XYLT1: variants seen among roughly 807,000 people sequenced by gnomAD.
XYLT1 encodes the protein xylosyltransferase 1.
Under a neutral mutation model 91.3 loss-of-function variants are expected in XYLT1, and 36 were observed. The observed-to-expected ratio is 0.39, with a 90% CI of 0.30 to 0.52. The LOEUF (loss-of-function observed/expected upper bound fraction) is 0.52. XYLT1 is among the 20% of genes least tolerant of loss of function. XYLT1 has a pLI of 0.68. For missense variants in XYLT1, 1,242 were observed against 1,284.5 expected, an observed-to-expected ratio of 0.97 and a Z score of 0.51; for synonymous variants, 588 against 532.0, an observed-to-expected ratio of 1.11 and a Z score of -1.45.
rs566826951 is a variant in XYLT1 at position 17,406,986 on chromosome 16, CTTCT to C, written c.364-48940_364-48937del. On this transcript the variant is annotated intron_variant, in intron 1 of 11. Transcript: ENST00000261381. ...CCTTTTAATTTGAAACCTTTTGCTG[CTTCT>C]TTATTTTTATTTTTTAATTTAATTT... 8.4e-4 allele frequency among the ~76,000 whole-genome samples: 127 copies of C among 152,078 alleles called. 2 individuals carry two copies. The South Asian group carries it at 0.017, about 21-fold the overall frequency.
At chr16:17,113,954 C>T (rs1472682584) in intron 11 of XYLT1, among the ~76,000 whole-genome samples, 1 of 151,314 alleles carries the variant, frequency 6.6e-6, no homozygotes, top group Non-Finnish European at 1.5e-5. Flanking sequence ...GAGGGTGGTG[C>T]ACCCCAATGC....
intron 1 of XYLT1, among the ~76,000 whole-genome samples, chr16:17,365,133 CA>C (rs1379168873): frequency 6.6e-6 from 1 of 152,180 alleles, no homozygotes; most frequent in East Asian, 1.9e-4. Context: ...AGGACGGGTG[CA>C]AAGTGTTCCC....
At chr16:17,432,237 T>C (rs995797068) in intron 1 of XYLT1, among the ~76,000 whole-genome samples, 2 of 152,098 alleles carry the variant, frequency 1.3e-5, no homozygotes, top group Non-Finnish European at 2.9e-5. Context: ...CCAAGAGAAA[T>C]GAAAACATAT....
At chr16:17,301,314 G>A (rs886337301) in intron 2 of XYLT1, among the ~76,000 whole-genome samples, 1 of 152,064 alleles carries the variant, frequency 6.6e-6, no homozygotes. Flanking sequence ...GGAAGCTGAG[G>A]CACGAAAATC....
intron 2 of XYLT1, among the ~76,000 whole-genome samples, chr16:17,281,473 T>C (rs1449252371): frequency 1.3e-5 from 2 of 152,178 alleles, no homozygotes; most frequent in Non-Finnish European, 2.9e-5. Flanking sequence ...TAATTTTACT[T>C]GGCTCACATT....
At chr16:17,137,959 G>C (rs181108079) in intron 8 of XYLT1, among the ~76,000 whole-genome samples, 52 of 152,148 alleles carry the variant, frequency 3.4e-4, no homozygotes, top group South Asian at 3.3e-3. Flanking sequence ...CTCAGCCCTA[G>C]ATATATACTT....
At chr16:17,250,374 T>C (rs2033517998) in intron 3 of XYLT1, 1 of 152,254 alleles carries the variant, frequency 6.6e-6, no homozygotes, top group South Asian at 2.1e-4. Context: ...GTGAAAATTA[T>C]GTGAAACTCA....
At chr16:17,161,761 T>C (rs546369073) in intron 5 of XYLT1, among the ~76,000 whole-genome samples, 41 of 152,054 alleles carry the variant, frequency 2.7e-4, no homozygotes, top group African/African-American at 9.9e-4. Flanking sequence ...ATGGTTCCCA[T>C]AGTTCATCTC....
At chr16:17,453,631 CA>C (rs2036697080) in intron 1 of XYLT1, among the ~76,000 whole-genome samples, 1 of 152,318 alleles carries the variant, frequency 6.6e-6, no homozygotes, top group South Asian at 2.1e-4. Flanking sequence ...ATGCAGTCCC[CA>C]AAGGGATATT....
intron 11 of XYLT1, among the ~76,000 whole-genome samples, chr16:17,116,420 A>T (rs1966852366): frequency 6.6e-6 from 1 of 152,224 alleles, no homozygotes; most frequent in Non-Finnish European, 1.5e-5. Context: ...AACTTGACAT[A>T]AATACATCAT....
rs556471847 is a variant in XYLT1 at position 17,417,228 on chromosome 16, T to G, written c.363+53206A>C. On this transcript the variant is annotated intron_variant, in intron 1 of 11. Transcript: ENST00000261381. ...AGGCTCTACTGACTCTCTTAATTTA[T>G]CCTCACAACAGCCTCGTATAGTAAA... Among the ~76,000 whole-genome samples, 13 of 152,342 alleles carry G rather than the reference T, an allele frequency of 8.5e-5. No homozygotes were observed. The South Asian group carries it at 2.5e-3, about 29-fold the overall frequency.
chr16:17,275,540 T>A (rs1490152384), intron 2 of XYLT1, among the ~76,000 whole-genome samples: 1 of 152,178 alleles, frequency 6.6e-6, no homozygotes, highest in Non-Finnish European at 1.5e-5. Flanking sequence ...AAAGTCCTCT[T>A]GCCTGGCTGC....
chr16:17,374,642 GA>G (rs10622995), intron 1 of XYLT1, among the ~76,000 whole-genome samples: 67 of 144,452 alleles, frequency 4.6e-4, no homozygotes, highest in East Asian at 1.9e-3. Flanking sequence ...ATTACAGACA[GA>G]AAAAAAAAAA....
At chr16:17,327,463 C>T (rs1275105060) in intron 2 of XYLT1, among the ~76,000 whole-genome samples, 1 of 149,958 alleles carries the variant, frequency 6.7e-6, no homozygotes, top group Non-Finnish European at 1.5e-5. Context: ...CCCGGGTTCA[C>T]GCCATTCTCT....
intron 1 of XYLT1, among the ~76,000 whole-genome samples, chr16:17,393,284 C>T (rs543966246): frequency 7.9e-5 from 12 of 152,258 alleles, no homozygotes; most frequent in Admixed American, 2.0e-4. Context: ...TTTTACATGA[C>T]GGCATACCTC....
At chr16:17,140,434 G>A (rs1382644567) in intron 7 of XYLT1, among the ~76,000 whole-genome samples, 1 of 152,082 alleles carries the variant, frequency 6.6e-6, no homozygotes, top group Non-Finnish European at 1.5e-5. Context: ...GCTGAGGCAG[G>A]AGGACCACTT....
At chr16:17,287,305 G>A (rs767980844) in intron 2 of XYLT1, among the ~76,000 whole-genome samples, 5 of 151,572 alleles carry the variant, frequency 3.3e-5, no homozygotes, top group Admixed American at 2.0e-4. Flanking sequence ...CTCAATTAAC[G>A]CTCAGTGCAG....
rs1567279261 is a variant in XYLT1, at chr16:17,117,658, G to A, written c.2545C>T (p.Pro849Ser). ...TGGGAGTACTTACCAGGTTTGATGG[G>A]CTGCCTGTTCGAGAAGGTCAGAGGC... Reference protein sequence around the residue: ...VAPLTFSNRQPIKPEEALKLH... With the variant: ...VAPLTFSNRQSIKPEEALKLH... Residue 849 changes from proline (P) to serine (S), a missense_variant, in exon 11 of 12, where the codon CCC (proline) becomes TCC (serine). By Grantham distance (74) the Pro-to-Ser change is moderately conservative. Coordinates refer to ENST00000261381, the MANE Select transcript of XYLT1 (RefSeq NM_022166.4). 5.0e-6 allele frequency: 8 copies of A among 1,611,636 alleles called. No homozygotes were observed. The highest frequency in any genetic ancestry group is 6.8e-6 in the Non-Finnish European group (8 of 1,178,042).
At chr16:17,352,919 G>A (rs371019083) in intron 2 of XYLT1, among the ~76,000 whole-genome samples, 6 of 152,124 alleles carry the variant, frequency 3.9e-5, no homozygotes, top group African/African-American at 1.4e-4. Context: ...AGTGATTTAC[G>A]GAATAAGGAA....
Sources: allele counts gnomAD v4.1 joint callset (sites outside exome capture counted in the v4.1 genomes callset), GRCh38; gene constraint gnomAD v4.1.1; transcripts MANE v1.5; gene names NCBI Gene and HGNC (gene_info 2026-07-23, HGNC 2026-07-21).